Variants in P2RX6 observed in about 807,000 individuals in gnomAD.
P2RX6 encodes P2X purinoceptor 6.
In P2RX6, 62 loss-of-function variants were observed where a neutral mutation model predicts 54.2. The observed-to-expected ratio is 1.14, with a 90% CI of 0.93 to 1.41. The LOEUF (loss-of-function observed/expected upper bound fraction) is 1.41, where lower values mean the gene tolerates loss of function less well. P2RX6 is among the 40% of genes most tolerant of loss of function. The probability of loss-of-function intolerance (pLI) is 0.00; values close to 1 mark genes in which losing one functional copy is unlikely to be tolerated. For synonymous variants in P2RX6, 211 were observed against 231.9 expected, an observed-to-expected ratio of 0.91 and a Z score of 0.82; for missense variants, 541 against 566.3, an observed-to-expected ratio of 0.96 and a Z score of 0.45.
At position 21,023,043 on chromosome 22, in the gene P2RX6, T is replaced by A; in HGVS notation, c.557+8T>A. ...GAGTGGCGTTGTGCCCTCGTAAGTG[T>A]CCCCACAATCCCCTACCCCAACTGG... On this transcript the variant is annotated splice_region_variant and intron_variant, in intron 5 of 11. Transcript: ENST00000413302. 6.2e-7 allele frequency: 1 copy of A among 1,612,266 alleles called. No homozygotes were observed. The highest frequency in any genetic ancestry group is 8.5e-7 in the Non-Finnish European group (1 of 1,178,520).
chr22:21,027,171 C>T lies in P2RX6; in HGVS notation c.*554C>T, dbSNP rs117163705. 1 of 156,676 alleles carries T rather than the reference C, an allele frequency of 6.4e-6. No homozygotes were observed. Among genetic ancestry groups the T allele is most frequent in the Non-Finnish European group, 1.4e-5 (1 of 70,836 alleles). 9.7% of individuals were successfully genotyped at this position (156,676 alleles called of 1,614,324 possible). On this transcript the variant is annotated 3_prime_UTR_variant, in exon 12 of 12. Transcript: ENST00000413302. ...GGTGCTGTGATGCCCCAGGAGAGTC[C>T]TAATCTAGGGAATGGGGTGGAGTAG...
rs573383794 is a variant in P2RX6 at position 21,024,159 on chromosome 22, A to G, written c.890+541A>G. Among the ~76,000 whole-genome samples the G allele has an allele frequency of 1.5e-3, 229 of 150,724 alleles. No individual in the cohort carries two copies. The Middle Eastern group carries it at 0.021, about 14-fold the overall frequency. On this transcript the variant is annotated intron_variant, in intron 8 of 11. Transcript: ENST00000413302. ...TGGTAGATAGAGATGGGTTTTCACA[A>G]TGTTGGCCAGGCTGGTCTCAAACCC...
Position 21,024,747 on chromosome 22 carries a change from T to G in P2RX6, c.891-1058T>G, listed in dbSNP as rs561185532. 1.1e-4 allele frequency among the ~76,000 whole-genome samples: 17 copies of G among 151,622 alleles called. No individual in the cohort carries two copies. The South Asian group carries it at 3.6e-3, about 32-fold the overall frequency. On this transcript the variant is annotated intron_variant, in intron 8 of 11. Coordinates refer to ENST00000413302, the MANE Select transcript of P2RX6 (RefSeq NM_005446.5). ...CACCACACCCAACTAATTTTTGTATTTTTAGTAGAGATGGTGTTTTGCCAT... is the reference window on the plus strand; with the variant it reads ...CACCACACCCAACTAATTTTTGTATGTTTAGTAGAGATGGTGTTTTGCCAT...
At chr22:21,016,994 C>T (rs950915693) in intron 2 of P2RX6, among the ~76,000 whole-genome samples, 2 of 152,146 alleles carry the variant, frequency 1.3e-5, no homozygotes, top group Non-Finnish European at 2.9e-5. Context: ...TCCACTAGTG[C>T]CTCAGCCAGA....
In P2RX6 at chr22:21,023,339, AG is replaced by A. The variant is rs1442791286; in HGVS notation, c.704del (p.Ser235ThrfsTer30). 3 of 1,613,948 alleles carry A rather than the reference AG, an allele frequency of 1.9e-6. No homozygotes were observed. The highest frequency in any genetic ancestry group is 2.5e-6 in the Non-Finnish European group (3 of 1,179,874). ...FKHCRYEPQF[S>X]PYCPVFRIGD... ...GCACTGCCGCTATGAACCACAATTC[AG>A]CCCCTACTGTCCCGTGTTCCGCATT... On this transcript the variant is annotated frameshift_variant, in exon 7 of 12. Transcript: ENST00000413302. LOFTEE classifies it high-confidence loss of function.
chr22:21,023,030 G>C lies in P2RX6; in HGVS notation c.552G>C (p.Val184=). The change falls in exon 5 of 12, where the codon GTG becomes GTC. Residue 184 remains valine, a synonymous_variant. Transcript: ENST00000413302. ...GGTGCCCCGTGGAGAGTGGCGTTGTGCCCTCGTAAGTGTCCCCACAATCCC... is the reference window on the plus strand; with the variant it reads ...GGTGCCCCGTGGAGAGTGGCGTTGTCCCCTCGTAAGTGTCCCCACAATCCC... ...WSWCPVESGV[V]PSRPLLAQAQ... 1 of 1,613,340 alleles carries C rather than the reference G, an allele frequency of 6.2e-7. No homozygotes were observed. Among genetic ancestry groups the C allele is most frequent in the Non-Finnish European group, 8.5e-7 (1 of 1,179,396 alleles).
At chr22:21,022,842 T>C (rs977952299) in intron 4 of P2RX6, 91 bp downstream of exon 4, 29 of 1,470,956 alleles carry the variant, frequency 2.0e-5, no homozygotes, top group Admixed American at 5.3e-5. Flanking sequence ...CCTGCTCGCC[T>C]CTGTCCCTGC....
rs746558071 is a variant in P2RX6, at chr22:21,015,188, T to TAGCAGG, written c.18_23dup (p.Ala8_Gly9dup). ...CCATGCTGACTCATGTGCCCGCAGC[T>TAGCAGG]AGCAGGAGCTGGCAGCATGGGCTCC... On this transcript the variant is annotated inframe_insertion, in exon 1 of 12. Coordinates refer to ENST00000413302, the MANE Select transcript of P2RX6 (RefSeq NM_005446.5). The TAGCAGG allele has an allele frequency of 2.7e-6, 4 of 1,509,288 alleles. No homozygotes were observed. In the African/African-American group the frequency reaches 5.9e-5, roughly 22 times the overall value. The allele number at this position is 1,509,288 out of a possible 1,614,324, so 93.5% of individuals were successfully genotyped here. A position where few individuals can be genotyped will look rare whatever the true frequency, so the allele number is the denominator to read the frequency against.
chr22:21,014,131 G>C (rs1259900433), upstream of P2RX6: 2 of 156,028 alleles, frequency 1.3e-5, no homozygotes, highest in Non-Finnish European at 2.9e-5. Flanking sequence ...GCTTGGCTTC[G>C]GGGACCCCTG....
At chr22:21,022,386 T>A (rs1927559588) in intron 3 of P2RX6, among the ~76,000 whole-genome samples, 1 of 151,934 alleles carries the variant, frequency 6.6e-6, no homozygotes, top group African/African-American at 2.4e-5. Context: ...AAAATAAATT[T>A]TTTGAAAAAG....
chr22:21,025,872 C>A lies in P2RX6; in HGVS notation c.958C>A (p.Arg320Ser), dbSNP rs756857753. Residue 320 changes from arginine to serine, a missense_variant, in exon 9 of 12, where the codon CGC becomes AGC. By Grantham distance (110) the Arg-to-Ser change is moderately radical. This residue lies in a region of P2RX6 where 526 missense variants were observed against 531.5 expected (regional missense o/e 0.99). Coordinates refer to ENST00000413302, the MANE Select transcript of P2RX6 (RefSeq NM_005446.5). ...CACCCTGCTCAAGCTCTATGGAATC[C>A]GCTTCGACATCCTCGTCACCGGGCA... The part of the protein sequence containing the change: ...ARTLLKLYGI[R>S]FDILVTGQAG... 2.5e-6 allele frequency: 4 copies of A among 1,575,014 alleles called. No homozygotes were observed. The South Asian group carries it at 4.7e-5, about 18-fold the overall frequency.
chr22:21,017,662 C>T (rs567181202), intron 2 of P2RX6, among the ~76,000 whole-genome samples: 4 of 152,304 alleles, frequency 2.6e-5, no homozygotes, highest in South Asian at 2.1e-4. Flanking sequence ...TTGCAGTGAG[C>T]ACTGATCACA....
At chr22:21,011,245 T>C (rs1380737491), upstream of P2RX6, 1 of 510,504 alleles carries the variant, frequency 2.0e-6, no homozygotes, top group Non-Finnish European at 3.5e-6. Context: ...GGAAGAGGAG[T>C]GGGGCAAGGT....
rs1360095910 is a variant in P2RX6, at chr22:21,018,010, G to A, written c.337G>A (p.Val113Met). 6.2e-7 allele frequency: 1 copy of A among 1,612,978 alleles called. No individual in the cohort carries two copies. Among genetic ancestry groups the A allele is most frequent in the African/African-American group, 1.3e-5 (1 of 74,870 alleles). ...CTAGGGAGAGAACGTGTTCTTCTTG[G>A]TGACCAACTTCCTTGTGACGCCAGC... ...PPQGENVFFL[V>M]TNFLVTPAQV... is the part of the protein sequence containing the mutation. Residue 113 changes from valine to methionine, a missense_variant, in exon 3 of 12, where the codon GTG (valine) becomes ATG (methionine). Coordinates refer to ENST00000413302, the MANE Select transcript of P2RX6 (RefSeq NM_005446.5).
At chr22:21,020,536 A>G (rs1010302845) in intron 3 of P2RX6, among the ~76,000 whole-genome samples, 1 of 151,578 alleles carries the variant, frequency 6.6e-6, no homozygotes, top group Non-Finnish European at 1.5e-5. Context: ...ATGATGGGAC[A>G]GAGGCTGTAG....
In P2RX6 at chr22:21,027,498, T is replaced by C. The variant is rs1461209797; in HGVS notation, c.*881T>C. On this transcript the variant is annotated 3_prime_UTR_variant, in exon 12 of 12. Coordinates refer to ENST00000413302, the MANE Select transcript of P2RX6 (RefSeq NM_005446.5). ...CATCTGAAATTCACTTCAGTCCAAG[T>C]CATACCTAGGAAGCTGTCTGGGCAG... 6.6e-6 allele frequency: 1 copy of C among 152,154 alleles called. No homozygotes were observed. The allele number at this position is 152,154 out of a possible 1,614,324, so 9.4% of individuals were successfully genotyped here. A position where few individuals can be genotyped will look rare whatever the true frequency, so the allele number is the denominator to read the frequency against.
At chr22:21,011,861 G>A (rs536849024), upstream of P2RX6, among the ~76,000 whole-genome samples, 1 of 152,152 alleles carries the variant, frequency 6.6e-6, no homozygotes, top group South Asian at 2.1e-4. Flanking sequence ...GTGGTGGGGG[G>A]CAGCCACCCC....
Position 21,026,322 on chromosome 22 carries a change from A to G in P2RX6, c.1121A>G (p.Tyr374Cys), listed in dbSNP as rs1928447707. 6.2e-7 allele frequency: 1 copy of G among 1,605,556 alleles called. No homozygotes were observed. Among genetic ancestry groups the G allele is most frequent in the Non-Finnish European group, 8.5e-7 (1 of 1,176,398 alleles). The change falls in exon 11 of 12, where the codon TAT becomes TGT. Residue 374 changes from tyrosine (Y) to cysteine (C), a missense_variant. Around this residue, in one of 2 missense-constraint regions of P2RX6, gnomAD observed 526 missense variants for 531.5 expected, o/e 0.99. Coordinates refer to ENST00000413302, the MANE Select transcript of P2RX6 (RefSeq NM_005446.5). The surrounding 1 kb of genome is among the most constrained non-coding windows in gnomAD (Gnocchi z 4.0). Reference protein sequence around the residue: ...REAHFYWRTKYEEAKAPKATA... With the variant: ...REAHFYWRTKCEEAKAPKATA... ...GCCCATTTCTACTGGAGGACAAAGT[A>G]TGAGGAGGTGAGCTGAGGTCGCTCT...
At chr22:21,012,344 C>T (rs543320940), upstream of P2RX6, among the ~76,000 whole-genome samples, 222 of 152,262 alleles carry the variant, frequency 1.5e-3, no homozygotes, top group Non-Finnish European at 2.6e-3. Context: ...TATCCAGCAT[C>T]AGCTGCACAG....
Sources: gnomAD v4.1 joint callset for allele counts (sites outside exome capture counted in the v4.1 genomes callset) on GRCh38, gnomAD v4.1.1 for gene constraint, gnomAD v4.1.1 regional missense constraint, Gnocchi (gnomAD v3.1) non-coding constraint, MANE v1.5 for transcripts, NCBI Gene and HGNC (gene_info 2026-07-23, HGNC 2026-07-21) for gene names.